C10orf67: variants seen among roughly 807,000 people sequenced by gnomAD.
The protein encoded by C10orf67 is uncharacterized protein C10orf67, mitochondrial.
A neutral mutation model predicts 35.6 loss-of-function variants in C10orf67; 60 were observed. The ratio of observed to expected loss-of-function variants is 1.68; its 90% CI spans 1.37 to 2.09. C10orf67 has a LOEUF of 2.09. Ranked by LOEUF, C10orf67 falls within the 30% of genes most tolerant of loss-of-function variation. The pLI is 0.00. For synonymous variants in C10orf67, 167 were observed against 115.8 expected (o/e 1.44, Z -2.84); for missense variants, 474 against 330.2 (o/e 1.44, Z -3.38).
chr10:23,328,330 A>C (rs1845280534), intron 2 of C10orf67, among the ~76,000 whole-genome samples: 1 of 152,140 alleles, frequency 6.6e-6, no homozygotes, highest in Admixed American at 6.6e-5. Flanking sequence ...TGATCATGTG[A>C]TACAGTTACG....
intron 10 of C10orf67, among the ~76,000 whole-genome samples, chr10:23,261,479 C>G (rs1842747467): frequency 6.6e-6 from 1 of 152,084 alleles, no homozygotes; most frequent in African/African-American, 2.4e-5. Flanking sequence ...ACTTGGCTAA[C>G]TTAAAAAATA....
chr10:23,270,695 G>C (rs979778575), intron 8 of C10orf67, among the ~76,000 whole-genome samples: 1 of 152,242 alleles, frequency 6.6e-6, no homozygotes, highest in Non-Finnish European at 1.5e-5. Flanking sequence ...AATTCCCAGG[G>C]GGAGAGGCGG....
At chr10:23,295,119 C>T (rs186412477) in intron 5 of C10orf67, among the ~76,000 whole-genome samples, 20 of 152,214 alleles carry the variant, frequency 1.3e-4, no homozygotes, top group Admixed American at 3.3e-4. Context: ...CCATACACCC[C>T]GTTAATCAGA....
chr10:23,288,863 T>C lies in C10orf67; in HGVS notation c.909+1037A>G, dbSNP rs140003040. Among the ~76,000 whole-genome samples the C allele has an allele frequency of 1.6e-3, 251 of 152,326 alleles. 3 individuals are homozygous for C. The highest frequency in any genetic ancestry group is 2.7e-3 in the Non-Finnish European group (183 of 68,040). On this transcript the variant is annotated intron_variant, in intron 7 of 15. Transcript: ENST00000636213. Reference sequence around the variant, plus strand: ...TGAATCTGCTTGTTTATCTGTAAACTGTATGAACTGTAAATGCATTCCTAT... The same window carrying C: ...TGAATCTGCTTGTTTATCTGTAAACCGTATGAACTGTAAATGCATTCCTAT...
intron 5 of C10orf67, among the ~76,000 whole-genome samples, chr10:23,299,758 A>G (rs563944081): frequency 1.3e-5 from 2 of 152,164 alleles, no homozygotes; most frequent in Admixed American, 1.3e-4. Context: ...CGGGCGAATC[A>G]TGAGGTCAAG....
In C10orf67 at chr10:23,223,950, T is replaced by C. The variant is rs185617340; in HGVS notation, c.1435-132A>G. 3,511 of 626,122 alleles carry C rather than the reference T, an allele frequency of 5.6e-3. 22 individuals are homozygous for C. Among genetic ancestry groups the C allele is most frequent in the Non-Finnish European group, 8.0e-3 (2,810 of 350,876 alleles). The allele number at this position is 626,122 out of a possible 1,614,324, so 38.8% of individuals were successfully genotyped here. On this transcript the variant is annotated intron_variant, in intron 13 of 15. Transcript: ENST00000636213. ...TGCTTGTCACTTATTTGCTCAAATATGGCTGCGGAAATCCTTTTCTTCATT... is the reference window on the plus strand; with the variant it reads ...TGCTTGTCACTTATTTGCTCAAATACGGCTGCGGAAATCCTTTTCTTCATT...
At chr10:23,281,426 C>T (rs1588647608) in intron 8 of C10orf67, among the ~76,000 whole-genome samples, 2 of 152,074 alleles carry the variant, frequency 1.3e-5, no homozygotes, top group East Asian at 3.9e-4. Context: ...TTATAATAAA[C>T]ACAGTCAGTT....
intron 15 of C10orf67, among the ~76,000 whole-genome samples, chr10:23,206,944 T>C (rs995581634): frequency 2.6e-5 from 4 of 152,156 alleles, no homozygotes; most frequent in African/African-American, 7.2e-5. Flanking sequence ...GCATTAGTCA[T>C]TGGAAAAAAA....
At chr10:23,228,277 A>G (rs1361611307) in intron 13 of C10orf67, among the ~76,000 whole-genome samples, 4 of 152,222 alleles carry the variant, frequency 2.6e-5, no homozygotes, top group Non-Finnish European at 5.9e-5. Flanking sequence ...GCCCTCAGAA[A>G]TAATACCACA....
In C10orf67 at chr10:23,250,688, C is replaced by A. The variant is rs776018530; in HGVS notation, c.1204G>T (p.Glu402Ter). Residue 402 changes from glutamate (E) to a stop codon, truncating the protein, a stop_gained, in exon 11 of 16, where the codon GAA becomes TAA. Transcript: ENST00000636213. LOFTEE classifies it high-confidence loss of function. The stretch of plus-strand genomic sequence containing the variant: ...TGAGACTCCAAACCATGTTTGTCTT[C>A]AACCTTTCAATAGAAAATATAACAC... ...KALKEDQAVVEDKHGLESQIE... is the reference protein window; with the variant it reads ...KALKEDQAVV 7.5e-6 allele frequency: 3 copies of A among 398,462 alleles called. No homozygotes were observed. Among genetic ancestry groups the A allele is most frequent in the African/African-American group, 2.1e-5 (1 of 48,584 alleles). The allele number at this position is 398,462 out of a possible 1,614,324, so 24.7% of individuals were successfully genotyped here. A position where few individuals can be genotyped will look rare whatever the true frequency, so the allele number is the denominator to read the frequency against.
intron 4 of C10orf67, among the ~76,000 whole-genome samples, chr10:23,310,121 T>C (rs1564503383): frequency 6.6e-6 from 1 of 152,218 alleles, no homozygotes; most frequent in Non-Finnish European, 1.5e-5. Context: ...ATCTAGTTTC[T>C]AGTCTCATAG....
chr10:23,242,115 G>A (rs894623507), intron 12 of C10orf67, among the ~76,000 whole-genome samples: 10 of 152,214 alleles, frequency 6.6e-5, no homozygotes, highest in Admixed American at 2.0e-4. Context: ...GGGATTACAG[G>A]TGCCTGCCAC....
chr10:23,279,531 C>T (rs933163235), intron 8 of C10orf67, among the ~76,000 whole-genome samples: 6 of 152,296 alleles, frequency 3.9e-5, no homozygotes, highest in Non-Finnish European at 7.3e-5. Context: ...GCTAGGGCAA[C>T]CTATGTACTT....
At chr10:23,311,433 C>A (rs1028437927) in intron 4 of C10orf67, among the ~76,000 whole-genome samples, 1 of 152,124 alleles carries the variant, frequency 6.6e-6, no homozygotes, top group Non-Finnish European at 1.5e-5. Flanking sequence ...AGCTTGGGGC[C>A]GGGCACGGTG....
chr10:23,286,255 A>C (rs1843522918), intron 7 of C10orf67, among the ~76,000 whole-genome samples: 1 of 148,826 alleles, frequency 6.7e-6, no homozygotes, highest in Non-Finnish European at 1.5e-5. Context: ...AAAATTAGCC[A>C]AGTGTGGTGG....
At chr10:23,216,436 A>G (rs771824723) in intron 15 of C10orf67, among the ~76,000 whole-genome samples, 1 of 152,122 alleles carries the variant, frequency 6.6e-6, no homozygotes, top group East Asian at 1.9e-4. Flanking sequence ...ACCAATTACT[A>G]GCATATTCTG....
chr10:23,214,430 A>C (rs1293177951), intron 15 of C10orf67, among the ~76,000 whole-genome samples: 1 of 152,202 alleles, frequency 6.6e-6, no homozygotes, highest in Non-Finnish European at 1.5e-5. Context: ...ATGGAATAAA[A>C]TATTTAGAGT....
intron 5 of C10orf67, among the ~76,000 whole-genome samples, chr10:23,302,724 G>C (rs1844126397): frequency 6.6e-6 from 1 of 152,122 alleles, no homozygotes. Context: ...CTTCCTCCTT[G>C]ACAGGAGTTT....
intron 5 of C10orf67, among the ~76,000 whole-genome samples, chr10:23,300,719 G>A (rs1259547033): frequency 2.0e-5 from 3 of 152,060 alleles, no homozygotes; most frequent in African/African-American, 7.2e-5. Context: ...CTTCTAGCAC[G>A]CAAGTTAGCA....
Sources: allele counts gnomAD v4.1 joint callset (sites outside exome capture counted in the v4.1 genomes callset), GRCh38; gene constraint gnomAD v4.1.1; transcripts MANE v1.5; gene names NCBI Gene and HGNC (gene_info 2026-07-23, HGNC 2026-07-21).